The following C2CD3 variants were observed in gnomAD, a reference collection of about 807,000 sequenced individuals.
The protein encoded by C2CD3 is C2 domain containing 3 centriole elongation regulator.
In C2CD3, 148 loss-of-function variants were observed where a neutral mutation model predicts 234.0. That is an observed-to-expected ratio of 0.63 (90% CI 0.55 to 0.72). C2CD3 has a LOEUF of 0.72. Among genes scored for constraint, C2CD3 ranks in the 30% least tolerant of loss-of-function variants. C2CD3 has a pLI of 0.00. For missense variants in C2CD3, 2,577 were observed against 2,811.5 expected, an observed-to-expected ratio of 0.92 and a Z score of 1.89; for synonymous variants, 1,000 against 1,035.4, an observed-to-expected ratio of 0.97 and a Z score of 0.66.
intron 31 of C2CD3, among the ~76,000 whole-genome samples, chr11:74,032,708 A>T (rs1277173132): frequency 6.6e-6 from 1 of 151,846 alleles, no homozygotes; most frequent in African/African-American, 2.4e-5. Flanking sequence ...CCCAACTCTT[A>T]AAAAAAATTA....
rs779477555 is a variant in C2CD3, at chr11:74,170,806, T to C, written c.-14A>G. 1.2e-6 allele frequency: 2 copies of C among 1,614,130 alleles called. No individual in the cohort carries two copies. Among genetic ancestry groups the C allele is most frequent in the Non-Finnish European group, 8.5e-7 (1 of 1,180,022 alleles). Reference sequence around the variant, plus strand: ...TCGTTGTTTCATGATGAGCCCGAGCTCTTCTTCACCAGCTCAACTCCGTCT... The same window carrying C: ...TCGTTGTTTCATGATGAGCCCGAGCCCTTCTTCACCAGCTCAACTCCGTCT... On this transcript the variant is annotated 5_prime_UTR_variant, in exon 1 of 33. Coordinates refer to ENST00000334126, the MANE Select transcript of C2CD3 (RefSeq NM_001286577.2).
rs577411686 is a variant in C2CD3, at chr11:74,108,766, A to G, written c.1962+268T>C. Among the ~76,000 whole-genome samples, 24 of 152,218 alleles carry G rather than the reference A, an allele frequency of 1.6e-4. No homozygotes were observed. In the South Asian group the frequency reaches 5.0e-3, roughly 32 times the overall value. On this transcript the variant is annotated intron_variant, in intron 12 of 32. Coordinates refer to ENST00000334126, the MANE Select transcript of C2CD3 (RefSeq NM_001286577.2). Reference sequence around the variant, plus strand: ...GTTTCTTCATCTGTAAAACAAATATAATAATGTACCTAATTCACAGAGTTG... The same window carrying G: ...GTTTCTTCATCTGTAAAACAAATATGATAATGTACCTAATTCACAGAGTTG...
At chr11:74,141,609 C>G (rs1016992717) in intron 3 of C2CD3, among the ~76,000 whole-genome samples, 2 of 152,182 alleles carry the variant, frequency 1.3e-5, no homozygotes, top group Non-Finnish European at 2.9e-5. Context: ...CCACGCCCAT[C>G]TTACAATCAA....
Position 74,048,244 on chromosome 11 carries a change from T to C in C2CD3, c.5456A>G (p.His1819Arg). 1 of 1,613,736 alleles carries C rather than the reference T, an allele frequency of 6.2e-7. No homozygotes were observed. The highest frequency in any genetic ancestry group is 8.5e-7 in the Non-Finnish European group (1 of 1,179,818). Residue 1819 changes from histidine (H) to arginine (R), a missense_variant, in exon 28 of 33, where the codon CAT (histidine) becomes CGT (arginine). His to Arg is a conservative substitution (Grantham distance 29, BLOSUM62 0). Transcript: ENST00000334126. ...MARQTLDQLAHASSKELDFSS... is the reference protein window; with the variant it reads ...MARQTLDQLARASSKELDFSS... ...GAAATCAAGCTCCTTTGAGGAGGCA[T>C]GAGCAAGTTGGTCTAGGGTCTGCCT...
At chr11:74,057,954 G>GTCAA (rs35354441) in intron 24 of C2CD3, among the ~76,000 whole-genome samples, 6,948 of 152,064 alleles carry the variant, frequency 0.046, 461 homozygotes, top group African/African-American at 0.15. Context: ...GTGAGACCGT[G>GTCAA]TCAATCAATC....
At chr11:74,128,583 T>A (rs1178082880) in intron 7 of C2CD3, 1 of 152,368 alleles carries the variant, frequency 6.6e-6, no homozygotes, top group East Asian at 1.9e-4. Context: ...TTCTTGGGTG[T>A]TTCTCGCAGA....
chr11:74,113,604 C>T (rs568260275), intron 11 of C2CD3, 176 bp downstream of exon 11: 12 of 597,978 alleles, frequency 2.0e-5, no homozygotes, highest in East Asian at 9.3e-5. Context: ...CACTTGAACC[C>T]GGGAGGTGGA....
intron 21 of C2CD3, among the ~76,000 whole-genome samples, chr11:74,085,272 G>A (rs1955590773): frequency 6.6e-6 from 1 of 151,802 alleles, no homozygotes; most frequent in Non-Finnish European, 1.5e-5. Context: ...AAAGTGCTGG[G>A]ATTATAGGTT....
At chr11:74,117,497 C>A (rs1035078549) in intron 9 of C2CD3, among the ~76,000 whole-genome samples, 6 of 149,832 alleles carry the variant, frequency 4.0e-5, no homozygotes, top group South Asian at 2.1e-4. Context: ...GAACAGAAAA[C>A]CAAATATCAT....
Position 74,057,517 on chromosome 11 carries a change from G to A in C2CD3, c.4979C>T (p.Ser1660Leu), listed in dbSNP as rs779616747. The A allele has an allele frequency of 7.4e-6, 12 of 1,613,906 alleles. No individual in the cohort carries two copies. Among genetic ancestry groups the A allele is most frequent in the South Asian group, 4.4e-5 (4 of 91,076 alleles). The stretch of plus-strand genomic sequence containing the variant: ...AAAGGATACACAACAACTGGGTATC[G>A]ATACTTTCCGCTCTGTCAAGGGGCT... ...KGSPLTERKV[S>L]IPSCCVSFAT... Residue 1660 changes from serine to leucine, a missense_variant, in exon 25 of 33, where the codon TCG becomes TTG. Transcript: ENST00000334126.
intron 23 of C2CD3, among the ~76,000 whole-genome samples, chr11:74,077,848 A>C (rs11603312): frequency 2.8e-5 from 1 of 36,308 alleles, no homozygotes; most frequent in African/African-American, 1.9e-4. Flanking sequence ...TATATATATT[A>C]TCTCTTTAGT....
intron 31 of C2CD3, 136 bp downstream of exon 31, chr11:74,033,215 C>T: frequency 1.5e-6 from 1 of 667,420 alleles, no homozygotes; most frequent in Non-Finnish European, 2.5e-6. Flanking sequence ...ACCTGTCATG[C>T]AGGTGGGGTC....
intron 32 of C2CD3, among the ~76,000 whole-genome samples, chr11:74,022,618 T>C (rs1047283685): frequency 7.0e-4 from 107 of 151,998 alleles, no homozygotes; most frequent in African/African-American, 2.5e-3. Flanking sequence ...ATTACTGCCG[T>C]TCTCATCGTC....
intron 2 of C2CD3, 136 bp from the exon 3 acceptor site, chr11:74,161,692 T>C (rs1406996094): frequency 3.0e-5 from 14 of 465,090 alleles, no homozygotes; most frequent in Admixed American, 1.2e-4. Flanking sequence ...CACCATTGCA[T>C]TGGTGAAAGT....
At chr11:74,058,992 A>G (rs1226784254) in intron 24 of C2CD3, among the ~76,000 whole-genome samples, 1 of 152,200 alleles carries the variant, frequency 6.6e-6, no homozygotes, top group Non-Finnish European at 1.5e-5. Context: ...GCACTGAATA[A>G]TAGACACTTT....
intron 24 of C2CD3, among the ~76,000 whole-genome samples, chr11:74,072,532 T>G (rs1256564535): frequency 6.6e-6 from 1 of 152,196 alleles, no homozygotes; most frequent in Non-Finnish European, 1.5e-5. Flanking sequence ...CTGGCTCTCA[T>G]AGACACCACA....
At chr11:74,117,627 T>C (rs1468052367) in intron 9 of C2CD3, among the ~76,000 whole-genome samples, 4 of 151,532 alleles carry the variant, frequency 2.6e-5, no homozygotes, top group African/African-American at 4.8e-5. Context: ...AGACTACTAA[T>C]TGGAGGCCGG....
intron 26 of C2CD3, among the ~76,000 whole-genome samples, chr11:74,053,763 T>G (rs1953814843): frequency 6.6e-6 from 1 of 152,218 alleles, no homozygotes; most frequent in African/African-American, 2.4e-5. Context: ...GACTGAAATG[T>G]ACTTGGATTT....
At chr11:74,166,240 G>C (rs999106301) in intron 2 of C2CD3, among the ~76,000 whole-genome samples, 7 of 151,434 alleles carry the variant, frequency 4.6e-5, no homozygotes, top group Non-Finnish European at 8.8e-5. Flanking sequence ...AACCCAGGAA[G>C]TGGGAGGCGG....
Sources: gnomAD v4.1 joint callset for allele counts (sites outside exome capture counted in the v4.1 genomes callset) on GRCh38, gnomAD v4.1.1 for gene constraint, MANE v1.5 for transcripts, NCBI Gene and HGNC (gene_info 2026-07-23, HGNC 2026-07-21) for gene names.